The following GABRG3 variants were observed in gnomAD, a reference collection of about 807,000 sequenced individuals.
GABRG3 encodes the protein gamma-aminobutyric acid type A receptor subunit gamma3, also known as gamma-aminobutyric acid receptor subunit gamma-3.
GABRG3 carries 25 observed loss-of-function variants against 48.8 expected under a neutral mutation model. The ratio of observed to expected loss-of-function variants is 0.51; its 90% CI spans 0.37 to 0.72. The LOEUF is 0.72. GABRG3 is among the 30% of genes least tolerant of loss of function. GABRG3 has a pLI of 0.00. For synonymous variants in GABRG3, 227 were observed against 217.6 expected (o/e 1.04, Z -0.38); for missense variants, 394 against 577.9 (o/e 0.68, Z 3.26).
Position 27,287,765 on chromosome 15 carries a change from G to T in GABRG3, c.271-39044G>T, listed in dbSNP as rs568150034. On this transcript the variant is annotated intron_variant, in intron 3 of 9. Transcript: ENST00000615808. ...TTTTTTTTTTTTTTTTTGAGATGGA[G>T]TCTCGCTCTGTTGCCCAGGCTGGAG... is the stretch of plus-strand genomic sequence containing the variant. Among the ~76,000 whole-genome samples the T allele has an allele frequency of 4.7e-3, 664 of 140,656 alleles. 2 individuals are homozygous for T. The highest frequency in any genetic ancestry group is 0.011 in the Middle Eastern group (3 of 266). 92.3% of individuals were successfully genotyped at this position (140,656 alleles called of 152,430 possible).
At chr15:27,516,194 G>A (rs2050865965) in intron 6 of GABRG3, among the ~76,000 whole-genome samples, 1 of 150,352 alleles carries the variant, frequency 6.7e-6, no homozygotes, top group Admixed American at 6.6e-5. Flanking sequence ...TAATAATTTT[G>A]CAAACATAAA....
In GABRG3 at chr15:27,405,850, T is replaced by TGGG. The variant is rs374792398; in HGVS notation, c.575-74797_575-74795dup. 4.1e-3 allele frequency among the ~76,000 whole-genome samples: 612 copies of TGGG among 150,798 alleles called. 2 individuals carry two copies. Among genetic ancestry groups the TGGG allele is most frequent in the African/African-American group, 0.014 (574 of 40,452 alleles). On this transcript the variant is annotated intron_variant, in intron 5 of 9. Transcript: ENST00000615808. ...TTTAAGAAATGGCTGATTCTAGGACTGGGGGAGGGAATATAGGGAAAATAG... is the reference window on the plus strand; with the variant it reads ...TTTAAGAAATGGCTGATTCTAGGACTGGGGGGGGAGGGAATATAGGGAAAATAG...
intron 3 of GABRG3, among the ~76,000 whole-genome samples, chr15:27,194,036 TCTTAA>T (rs1276395657): frequency 6.6e-6 from 1 of 152,208 alleles, no homozygotes; most frequent in Non-Finnish European, 1.5e-5. Context: ...TAGAATTTAA[TCTTAA>T]CTTATTTATA....
At chr15:27,178,304 G>T (rs1198400032) in intron 3 of GABRG3, among the ~76,000 whole-genome samples, 1 of 152,190 alleles carries the variant, frequency 6.6e-6, no homozygotes, top group Non-Finnish European at 1.5e-5. Context: ...CTAGTTGTGG[G>T]ATGCTCCTTA....
intron 3 of GABRG3, among the ~76,000 whole-genome samples, chr15:27,175,683 C>T (rs745397987): frequency 6.6e-6 from 1 of 152,226 alleles, no homozygotes; most frequent in Admixed American, 6.5e-5. Flanking sequence ...TGGTAGGAAG[C>T]ATGGCAAATG....
chr15:27,278,056 ATT>A (rs11367885), intron 3 of GABRG3, among the ~76,000 whole-genome samples: 8 of 144,396 alleles, frequency 5.5e-5, no homozygotes, highest in South Asian at 2.2e-4. Flanking sequence ...AGCTCGATGC[ATT>A]TTTTTTTTTT....
At chr15:27,397,402 G>C (rs899735713) in intron 5 of GABRG3, among the ~76,000 whole-genome samples, 1 of 152,058 alleles carries the variant, frequency 6.6e-6, no homozygotes, top group African/African-American at 2.4e-5. Context: ...CTGATTTGCC[G>C]TGTCCAACTG....
At chr15:27,021,816 G>A (rs905751372) in intron 2 of GABRG3, among the ~76,000 whole-genome samples, 3 of 152,154 alleles carry the variant, frequency 2.0e-5, no homozygotes, top group Non-Finnish European at 2.9e-5. Flanking sequence ...GCACTCCAGC[G>A]TGGGCAACAG....
At chr15:27,058,587 T>C (rs1286646390) in intron 3 of GABRG3, among the ~76,000 whole-genome samples, 1 of 152,128 alleles carries the variant, frequency 6.6e-6, no homozygotes, top group Non-Finnish European at 1.5e-5. Flanking sequence ...ATGTCAAGTG[T>C]CTGGTCATTG....
intron 6 of GABRG3, among the ~76,000 whole-genome samples, chr15:27,511,218 C>A (rs1890887780): frequency 6.6e-6 from 1 of 152,178 alleles, no homozygotes; most frequent in Non-Finnish European, 1.5e-5. Flanking sequence ...ATCTACAATT[C>A]TTTTGTAAGG....
intron 3 of GABRG3, among the ~76,000 whole-genome samples, chr15:27,150,800 G>A (rs1462217862): frequency 6.6e-6 from 1 of 152,148 alleles, no homozygotes; most frequent in East Asian, 1.9e-4. Context: ...TTCTGACTCT[G>A]TAAGTGCAAC....
At chr15:27,160,858 G>A (rs1308955219) in intron 3 of GABRG3, among the ~76,000 whole-genome samples, 1 of 152,098 alleles carries the variant, frequency 6.6e-6, no homozygotes, top group Non-Finnish European at 1.5e-5. Context: ...TGAAAACTGG[G>A]AATTTCAGAG....
intron 5 of GABRG3, among the ~76,000 whole-genome samples, chr15:27,415,436 G>A (rs1017027297): frequency 2.6e-5 from 4 of 151,830 alleles, no homozygotes; most frequent in Non-Finnish European, 5.9e-5. Flanking sequence ...CTGTTCTTGC[G>A]TGTTGTCTAC....
At position 27,537,693 on chromosome 15, in the gene GABRG3, T is replaced by C. The variant is rs1891578775; in HGVS notation, c.*4812T>C. The C allele has an allele frequency of 6.6e-6, 1 of 152,108 alleles. No homozygotes were observed. Among genetic ancestry groups the C allele is most frequent in the African/African-American group, 2.4e-5 (1 of 41,450 alleles). 9.4% of individuals were successfully genotyped at this position (152,108 alleles called of 1,614,324 possible). On this transcript the variant is annotated 3_prime_UTR_variant, in exon 10 of 10. Transcript: ENST00000615808. The stretch of plus-strand genomic sequence containing the variant: ...GTCTAATAGTTTTGAAGACTAGATA[T>C]TAGGGCATTTTCTTTCCTCCTTTTA...
rs181798263 is a variant in GABRG3, at chr15:27,008,360, G to A, written c.203-18394G>A. 6.8e-4 allele frequency among the ~76,000 whole-genome samples: 104 copies of A among 152,290 alleles called. 1 individual carries two copies. The Middle Eastern group carries it at 0.017, about 25-fold the overall frequency. On this transcript the variant is annotated intron_variant, in intron 2 of 9. Coordinates refer to ENST00000615808, the MANE Select transcript of GABRG3 (RefSeq NM_033223.5). Reference sequence around the variant, plus strand: ...CAATAGTCTCATATTCTGAATATTTGTATTGCAGGTTCAGGTGACTTTTTC... The same window carrying A: ...CAATAGTCTCATATTCTGAATATTTATATTGCAGGTTCAGGTGACTTTTTC...
intron 3 of GABRG3, among the ~76,000 whole-genome samples, chr15:27,049,122 C>G (rs12592156): frequency 0.13 from 19,439 of 152,258 alleles, 1,625 homozygotes; most frequent in African/African-American, 0.23. Flanking sequence ...GAGCATGCAT[C>G]TCCTGCACAT....
rs749449485 is a variant in GABRG3 at position 27,327,007 on chromosome 15, G to T, written c.469G>T (p.Gly157Trp). The change falls in exon 4 of 10, where the codon GGG (glycine) becomes TGG (tryptophan). Residue 157 changes from glycine to tryptophan, a missense_variant. By Grantham distance (184) the Gly-to-Trp change is radical. Transcript: ENST00000615808. ...TCAGCTCCTCCGGATTTGGAATGACGGGAAAATCCTTTACACTTTGAGGTA... is the reference window on the plus strand; with the variant it reads ...TCAGCTCCTCCGGATTTGGAATGACTGGAAAATCCTTTACACTTTGAGGTA... ...PNQLLRIWND[G>W]KILYTLRLTI... The T allele has an allele frequency of 6.2e-7, 1 of 1,613,770 alleles. No homozygotes were observed. The highest frequency in any genetic ancestry group is 1.1e-5 in the South Asian group (1 of 91,058).
chr15:27,218,136 A>T (rs1889326861), intron 3 of GABRG3, among the ~76,000 whole-genome samples: 1 of 151,922 alleles, frequency 6.6e-6, no homozygotes, highest in Non-Finnish European at 1.5e-5. Flanking sequence ...CCGCCTCCCA[A>T]GCAGCTGGGA....
chr15:27,099,416 G>C (rs916335615), intron 3 of GABRG3, among the ~76,000 whole-genome samples: 1 of 152,142 alleles, frequency 6.6e-6, no homozygotes, highest in Non-Finnish European at 1.5e-5. Context: ...TTGTCTTCCT[G>C]TGTCTTCGCA....
Sources: allele counts gnomAD v4.1 joint callset (sites outside exome capture counted in the v4.1 genomes callset), GRCh38; gene constraint gnomAD v4.1.1; transcripts MANE v1.5; gene names NCBI Gene and HGNC (gene_info 2026-07-23, HGNC 2026-07-21).